KCNT2: variants seen among roughly 807,000 people sequenced by gnomAD.
KCNT2 encodes the protein potassium channel subfamily T member 2.
Under a neutral mutation model 153.8 loss-of-function variants are expected in KCNT2, and 67 were observed. The ratio of observed to expected loss-of-function variants is 0.44; its 90% CI spans 0.36 to 0.53. The LOEUF is 0.53. Ranked by LOEUF, KCNT2 falls within the 20% of genes least tolerant of loss-of-function variation. The pLI, the probability that KCNT2 is intolerant of heterozygous loss-of-function variation, is 0.00. For synonymous variants in KCNT2, 500 were observed against 458.8 expected, an observed-to-expected ratio of 1.09 and a Z score of -1.15; for missense variants, 975 against 1,354.8, an observed-to-expected ratio of 0.72 and a Z score of 4.40.
At chr1:196,386,297 C>A (rs1459544750) in intron 13 of KCNT2, among the ~76,000 whole-genome samples, 2 of 152,092 alleles carry the variant, frequency 1.3e-5, no homozygotes, top group Non-Finnish European at 2.9e-5. Flanking sequence ...CTCCCAAATT[C>A]CTGACCCACA....
chr1:196,505,242 A>G (rs1009027522), intron 1 of KCNT2, among the ~76,000 whole-genome samples: 1 of 152,150 alleles, frequency 6.6e-6, no homozygotes, highest in Non-Finnish European at 1.5e-5. Context: ...TCTTTAATCC[A>G]GCTTGAATTA....
chr1:196,346,686 A>G (rs901049134), intron 14 of KCNT2, among the ~76,000 whole-genome samples: 1 of 152,136 alleles, frequency 6.6e-6, no homozygotes, highest in Non-Finnish European at 1.5e-5. Flanking sequence ...TTGTGTTGGT[A>G]TGATTGTTGG....
chr1:196,326,315 A>G (rs1322822200), intron 19 of KCNT2, among the ~76,000 whole-genome samples: 1 of 152,036 alleles, frequency 6.6e-6, no homozygotes, highest in Non-Finnish European at 1.5e-5. Flanking sequence ...ATAAAAATGG[A>G]TCAGTAAATG....
At chr1:196,516,115 A>G (rs1020154572) in intron 1 of KCNT2, among the ~76,000 whole-genome samples, 1 of 152,158 alleles carries the variant, frequency 6.6e-6, no homozygotes, top group African/African-American at 2.4e-5. Context: ...CCAGGGGCTG[A>G]GCAGCATTGG....
chr1:196,251,526 C>T (rs1655970481), intron 26 of KCNT2, among the ~76,000 whole-genome samples: 1 of 151,940 alleles, frequency 6.6e-6, no homozygotes. Flanking sequence ...CATATATTCT[C>T]ATTTATTTGT....
intron 25 of KCNT2, among the ~76,000 whole-genome samples, chr1:196,263,854 T>G (rs901975580): frequency 4.6e-5 from 7 of 152,168 alleles, no homozygotes; most frequent in African/African-American, 1.4e-4. Flanking sequence ...TTCTGGTTAT[T>G]TCCATCTCCT....
At chr1:196,319,246 C>T (rs781654242) in intron 20 of KCNT2, among the ~76,000 whole-genome samples, 9 of 151,728 alleles carry the variant, frequency 5.9e-5, no homozygotes, top group Non-Finnish European at 1.0e-4. Context: ...GCATTAGAAA[C>T]TGAGCAAAAC....
At chr1:196,493,584 G>C (rs951152865) in intron 1 of KCNT2, among the ~76,000 whole-genome samples, 1 of 152,014 alleles carries the variant, frequency 6.6e-6, no homozygotes, top group African/African-American at 2.4e-5. Context: ...TAAGTTCTGA[G>C]ATACATGTGC....
intron 18 of KCNT2, among the ~76,000 whole-genome samples, chr1:196,330,905 ATTTTTCTCTT>A (rs1188539300): frequency 1.3e-5 from 2 of 151,900 alleles, no homozygotes; most frequent in Non-Finnish European, 2.9e-5. Flanking sequence ...TTGGTACCTT[ATTTTTCTCTT>A]TAACAACATG....
intron 22 of KCNT2, among the ~76,000 whole-genome samples, chr1:196,288,215 A>G (rs1467859133): frequency 6.6e-6 from 1 of 152,070 alleles, no homozygotes; most frequent in Non-Finnish European, 1.5e-5. Flanking sequence ...GTTTAAGTAT[A>G]TGGGTTGAAT....
Position 196,225,984 on chromosome 1 carries a change from T to C in KCNT2, c.*2240A>G, listed in dbSNP as rs1442130232. 1 of 152,106 alleles carries C rather than the reference T, an allele frequency of 6.6e-6. No homozygotes were observed. Among genetic ancestry groups the C allele is most frequent in the Non-Finnish European group, 1.5e-5 (1 of 67,954 alleles). 9.4% of individuals were successfully genotyped at this position (152,106 alleles called of 1,614,324 possible). A position where few individuals can be genotyped will look rare whatever the true frequency, so the allele number is the denominator to read the frequency against. ...GTCTTTTATAAGCATGTTTTTATTC[T>C]TTAAATAACAGAAAGACTAATAAAT... On this transcript the variant is annotated 3_prime_UTR_variant, in exon 28 of 28. Transcript: ENST00000294725.
chr1:196,243,078 C>G (rs948657507), intron 26 of KCNT2, among the ~76,000 whole-genome samples: 1 of 152,130 alleles, frequency 6.6e-6, no homozygotes, highest in Admixed American at 6.5e-5. Context: ...ATTTTCTCCT[C>G]TCAATCCCAA....
intron 13 of KCNT2, among the ~76,000 whole-genome samples, chr1:196,379,109 T>A (rs1293658504): frequency 6.6e-6 from 1 of 152,076 alleles, no homozygotes; most frequent in African/African-American, 2.4e-5. Flanking sequence ...GTATACAAAA[T>A]CACTTTCCCT....
At position 196,479,300 on chromosome 1, in the gene KCNT2, G is replaced by A. The variant is rs1282276538; in HGVS notation, c.325-62C>T. 3 of 941,080 alleles carry A rather than the reference G, an allele frequency of 3.2e-6. No individual in the cohort carries two copies. In the East Asian group the frequency reaches 7.7e-5, roughly 24 times the overall value. 58.3% of individuals were successfully genotyped at this position (941,080 alleles called of 1,614,324 possible). A position where few individuals can be genotyped will look rare whatever the true frequency, so the allele number is the denominator to read the frequency against. On this transcript the variant is annotated intron_variant, in intron 4 of 27. Transcript: ENST00000294725. The stretch of plus-strand genomic sequence containing the variant: ...TACAATTAAATTATATATATTCTTG[G>A]CTATACTACTAACTTTATTTAAATA...
chr1:196,458,349 A>T (rs1235709483), intron 8 of KCNT2, among the ~76,000 whole-genome samples: 1 of 151,928 alleles, frequency 6.6e-6, no homozygotes, highest in African/African-American at 2.4e-5. Flanking sequence ...AGATAATCTC[A>T]TGAAGAATGT....
At chr1:196,395,864 C>T (rs1670893317) in intron 13 of KCNT2, among the ~76,000 whole-genome samples, 1 of 151,494 alleles carries the variant, frequency 6.6e-6, no homozygotes, top group African/African-American at 2.4e-5. Context: ...AATGCAAATG[C>T]CTCATTTCAT....
chr1:196,315,837 T>C, intron 21 of KCNT2, 55 bp downstream of exon 21: 2 of 1,501,270 alleles, frequency 1.3e-6, no homozygotes, highest in South Asian at 2.6e-5. Context: ...TGTCAAATAT[T>C]TTACCAATGT....
intron 3 of KCNT2, among the ~76,000 whole-genome samples, chr1:196,486,347 A>C (rs1177915921): frequency 2.6e-5 from 4 of 152,014 alleles, no homozygotes; most frequent in African/African-American, 7.2e-5. Context: ...CAAAACCCAA[A>C]TATATATCAT....
chr1:196,585,077 G>A (rs752055161), intron 1 of KCNT2, among the ~76,000 whole-genome samples: 2 of 152,046 alleles, frequency 1.3e-5, no homozygotes, highest in Non-Finnish European at 2.9e-5. Flanking sequence ...TCAAGTATGA[G>A]TACAATACGA....
Sources: allele counts gnomAD v4.1 joint callset (sites outside exome capture counted in the v4.1 genomes callset), GRCh38; gene constraint gnomAD v4.1.1; transcripts MANE v1.5; gene names NCBI Gene and HGNC (gene_info 2026-07-23, HGNC 2026-07-21).